The following ZNF385C variants were observed in gnomAD, a reference collection of about 807,000 sequenced individuals.
ZNF385C encodes zinc finger protein 385C, also known as CTD-2132N18.2.
ZNF385C carries 28 observed loss-of-function variants against 35.4 expected under a neutral mutation model. That is an observed-to-expected ratio of 0.79 (90% CI 0.59 to 1.08). The LOEUF is 1.08. Among genes scored for constraint, ZNF385C ranks in the 50% least tolerant of loss-of-function variants. The probability of loss-of-function intolerance (pLI) is 0.00; values close to 1 mark genes in which losing one functional copy is unlikely to be tolerated. For missense variants in ZNF385C, 605 were observed against 595.6 expected, an observed-to-expected ratio of 1.02 and a Z score of -0.16; for synonymous variants, 248 against 248.2, an observed-to-expected ratio of 1.00 and a Z score of 0.01.
At position 42,026,654 on chromosome 17, in the gene ZNF385C, T is replaced by TG. The variant is rs1178383685; in HGVS notation, c.*242dup. The TG allele has an allele frequency of 1.8e-4, 103 of 574,312 alleles. 1 individual carries two copies. The highest frequency in any genetic ancestry group is 1.2e-5 in the Non-Finnish European group (4 of 321,146). 35.6% of individuals were successfully genotyped at this position (574,312 alleles called of 1,614,324 possible). A position where few individuals can be genotyped will look rare whatever the true frequency, so the allele number is the denominator to read the frequency against. ...GGGGCTGAGATTTTGCATAGATCTT[T>TG]GGGGTCTGTCAGGGTGGGAAATGCA... On this transcript the variant is annotated 3_prime_UTR_variant, in exon 9 of 9. Coordinates refer to ENST00000692273, the MANE Select transcript of ZNF385C (RefSeq NM_001392013.1).
chr17:42,054,378 C>G (rs1225741740), intron 2 of ZNF385C, among the ~76,000 whole-genome samples: 1 of 152,172 alleles, frequency 6.6e-6, no homozygotes, highest in Non-Finnish European at 1.5e-5. Context: ...TCACCATCCC[C>G]TTATGTTTAA....
At chr17:42,034,420 A>C in intron 3 of ZNF385C, 85 bp from the exon 4 acceptor site, 1 of 861,040 alleles carries the variant, frequency 1.2e-6, no homozygotes, top group Non-Finnish European at 1.8e-6. Flanking sequence ...CCCAAAACTA[A>C]AGATGACTGA....
chr17:42,039,531 A>G (rs2052952091), intron 2 of ZNF385C: 2 of 380,998 alleles, frequency 5.2e-6, no homozygotes, highest in Admixed American at 1.9e-4. Context: ...CTTCCTCCAC[A>G]GCCCACAGGG....
At position 42,095,143 on chromosome 17, in the gene ZNF385C, C is replaced by T. The variant is rs546093311; in HGVS notation, c.-3+3267G>A. Among the ~76,000 whole-genome samples, 68 of 152,298 alleles carry T rather than the reference C, an allele frequency of 4.5e-4. No homozygotes were observed. The highest frequency in any genetic ancestry group is 1.6e-3 in the African/African-American group (66 of 41,554). ...AGCCTCACGATGCTAATGAGGCCAA[C>T]GTGGCAGGCTGTTCCTCAAATAGCC... On this transcript the variant is annotated intron_variant, in intron 1 of 8. Coordinates refer to ENST00000692273, the MANE Select transcript of ZNF385C (RefSeq NM_001392013.1). The surrounding 1 kb of genome is among the most constrained non-coding windows in gnomAD (Gnocchi z 4.4).
chr17:42,037,666 C>T (rs1330513827), intron 3 of ZNF385C, 71 bp downstream of exon 3: 1 of 1,445,268 alleles, frequency 6.9e-7, no homozygotes, highest in Non-Finnish European at 9.1e-7. Context: ...AGAGCTGGAC[C>T]CTCTGAACCC....
At chr17:42,027,999 C>A in intron 7 of ZNF385C, 51 bp downstream of exon 7, 1 of 1,590,374 alleles carries the variant, frequency 6.3e-7, no homozygotes, top group Non-Finnish European at 8.6e-7. Flanking sequence ...TGCCCTGCCC[C>A]CCAACCCCCT....
At chr17:42,091,152 G>A (rs991635549) in intron 1 of ZNF385C, among the ~76,000 whole-genome samples, 4 of 152,054 alleles carry the variant, frequency 2.6e-5, no homozygotes, top group Admixed American at 1.3e-4. Context: ...GACTGGCTGC[G>A]CATGGTGGCA....
At chr17:42,043,947 G>A (rs1382989179) in intron 2 of ZNF385C, among the ~76,000 whole-genome samples, 1 of 151,880 alleles carries the variant, frequency 6.6e-6, no homozygotes, top group African/African-American at 2.4e-5. Flanking sequence ...AGTGAACCAG[G>A]ACTAAAACTC....
Position 42,095,416 on chromosome 17 carries a change from G to A in ZNF385C, c.-3+2994C>T, listed in dbSNP as rs568440060. 1.6e-4 allele frequency among the ~76,000 whole-genome samples: 24 copies of A among 152,304 alleles called. No individual in the cohort carries two copies. The highest frequency in any genetic ancestry group is 4.6e-4 in the Admixed American group (7 of 15,306). ...ACATGGGCCCTCCCGGGTGGCAGGC[G>A]CAGCTCCCTCTGAGAAGGGCAGCCA... On this transcript the variant is annotated intron_variant, in intron 1 of 8. Coordinates refer to ENST00000692273, the MANE Select transcript of ZNF385C (RefSeq NM_001392013.1). The surrounding 1 kb of genome is among the most constrained non-coding windows in gnomAD (Gnocchi z 4.4).
intron 1 of ZNF385C, among the ~76,000 whole-genome samples, chr17:42,063,972 A>C (rs1555658248): frequency 6.6e-6 from 1 of 152,062 alleles, no homozygotes; most frequent in Admixed American, 6.6e-5. Context: ...AGGCCGAGGC[A>C]ACAGTTGGTG....
intron 1 of ZNF385C, among the ~76,000 whole-genome samples, chr17:42,074,653 T>G (rs2053665669): frequency 6.6e-6 from 1 of 152,240 alleles, no homozygotes; most frequent in Non-Finnish European, 1.5e-5. Flanking sequence ...CCTCCCAAAG[T>G]GCTGGGATTA....
At chr17:42,093,772 C>T (rs916982764) in intron 1 of ZNF385C, among the ~76,000 whole-genome samples, 6 of 151,852 alleles carry the variant, frequency 4.0e-5, no homozygotes, top group Non-Finnish European at 8.8e-5. Flanking sequence ...TTAGCAGAGA[C>T]GAGGTTTCAC....
chr17:42,086,352 G>A (rs1013950137), intron 1 of ZNF385C, among the ~76,000 whole-genome samples: 1 of 150,588 alleles, frequency 6.6e-6, no homozygotes, highest in African/African-American at 2.4e-5. Flanking sequence ...AGATCGCTTC[G>A]GCCTGGGCAA....
In ZNF385C at chr17:42,062,877, CACCTGG is replaced by C. The variant is rs2053484757; in HGVS notation, c.174_179del (p.Gln59_Val60del). On this transcript the variant is annotated inframe_deletion, in exon 2 of 9. Coordinates refer to ENST00000692273, the MANE Select transcript of ZNF385C (RefSeq NM_001392013.1). ...TCTGGTGGGCCCGCCCCCCACAGTG[CACCTGG>C]GCCTGGGCCGCCGAGTTCAGCTGGA... 2 of 668,348 alleles carry C rather than the reference CACCTGG, an allele frequency of 3.0e-6. No homozygotes were observed. Among genetic ancestry groups the C allele is most frequent in the East Asian group, 5.6e-5 (2 of 35,782 alleles). 41.4% of individuals were successfully genotyped at this position (668,348 alleles called of 1,614,324 possible).
chr17:42,032,100 G>A (rs1335884126), intron 4 of ZNF385C, among the ~76,000 whole-genome samples: 2 of 152,016 alleles, frequency 1.3e-5, no homozygotes, highest in South Asian at 2.1e-4. Flanking sequence ...TCGCTCTGTC[G>A]CCCAGGCTGG....
intron 1 of ZNF385C, among the ~76,000 whole-genome samples, chr17:42,066,862 T>A (rs1008201426): frequency 7.3e-5 from 11 of 150,226 alleles, no homozygotes; most frequent in Non-Finnish European, 1.2e-4. Context: ...AGATCAGGAG[T>A]TCAAGACCAG....
Position 42,028,078 on chromosome 17 carries a change from T to C in ZNF385C, c.1136A>G (p.Gln379Arg). The C allele has an allele frequency of 6.2e-7, 1 of 1,611,090 alleles. No individual in the cohort carries two copies. Among genetic ancestry groups the C allele is most frequent in the Non-Finnish European group, 8.5e-7 (1 of 1,178,536 alleles). ...PAFHCALCQLQVNSETQLKQH... is the reference protein window; with the variant it reads ...PAFHCALCQLRVNSETQLKQH... ...CTTCAGTTGGGTCTCTGAATTGACC[T>C]GGAGCTGACAGAGAGCACAGTGGAA... The change falls in exon 7 of 9, where the codon CAG (glutamine) becomes CGG (arginine). Residue 379 changes from glutamine (Q) to arginine (R), a missense_variant. Gln to Arg is a conservative substitution (Grantham distance 43, BLOSUM62 1). Coordinates refer to ENST00000692273, the MANE Select transcript of ZNF385C (RefSeq NM_001392013.1).
At chr17:42,040,057 C>A (rs992388406) in intron 2 of ZNF385C, 7 of 1,231,052 alleles carry the variant, frequency 5.7e-6, no homozygotes, top group Non-Finnish European at 6.1e-6. Context: ...CGCGAAGTCG[C>A]CCAGCGCCCG....
chr17:42,044,168 C>T (rs1346308661), intron 2 of ZNF385C, among the ~76,000 whole-genome samples: 6 of 123,140 alleles, frequency 4.9e-5, no homozygotes. Flanking sequence ...AAAAAATTAG[C>T]CAGGCATGGT....
Sources: allele counts gnomAD v4.1 joint callset (sites outside exome capture counted in the v4.1 genomes callset), GRCh38; gene constraint gnomAD v4.1.1; non-coding constraint Gnocchi (gnomAD v3.1); transcripts MANE v1.5; gene names NCBI Gene and HGNC (gene_info 2026-07-23, HGNC 2026-07-21).